LRRC4C: variants seen among roughly 807,000 people sequenced by gnomAD.
LRRC4C encodes leucine-rich repeat-containing protein 4C.
Under a neutral mutation model 33.6 loss-of-function variants are expected in LRRC4C, and 5 were observed. The ratio of observed to expected loss-of-function variants is 0.15; its 90% CI spans 0.08 to 0.31. The LOEUF is 0.31. LRRC4C is among the 10% of genes least tolerant of loss of function. LRRC4C has a pLI of 1.00. For synonymous variants in LRRC4C, 329 were observed against 302.0 expected, an observed-to-expected ratio of 1.09 and a Z score of -0.93; for missense variants, 560 against 796.7, an observed-to-expected ratio of 0.70 and a Z score of 3.58.
chr11:40,678,869 G>T (rs1455281579), intron 2 of LRRC4C, among the ~76,000 whole-genome samples: 1 of 152,086 alleles, frequency 6.6e-6, no homozygotes. Flanking sequence ...CTGGGTAGGG[G>T]GGTGCTACAA....
intron 1 of LRRC4C, among the ~76,000 whole-genome samples, chr11:41,223,945 C>T (rs1947414779): frequency 6.6e-6 from 1 of 152,098 alleles, no homozygotes; most frequent in Non-Finnish European, 1.5e-5. Flanking sequence ...TTCTGGAGGC[C>T]AGTGCTTGAT....
chr11:41,147,813 G>T (rs568291688), intron 1 of LRRC4C, among the ~76,000 whole-genome samples: 4 of 152,140 alleles, frequency 2.6e-5, no homozygotes, highest in Admixed American at 2.6e-4. Context: ...GGTCAGGAGT[G>T]GTGGCTCGGC....
At chr11:40,487,553 A>T in intron 3 of LRRC4C, among the ~76,000 whole-genome samples, 1 of 152,046 alleles carries the variant, frequency 6.6e-6, no homozygotes, top group East Asian at 1.9e-4. Flanking sequence ...GAGTAGAGAG[A>T]AAAAAATTCC....
At chr11:41,411,197 G>A (rs1954473183) in intron 1 of LRRC4C, among the ~76,000 whole-genome samples, 1 of 111,092 alleles carries the variant, frequency 9.0e-6, no homozygotes, top group Non-Finnish European at 1.8e-5. Context: ...CGCCCAGGCT[G>A]GAGTGCAGTG....
At chr11:40,849,387 C>A (rs1393657638) in intron 2 of LRRC4C, among the ~76,000 whole-genome samples, 1 of 152,118 alleles carries the variant, frequency 6.6e-6, no homozygotes, top group Non-Finnish European at 1.5e-5. Flanking sequence ...TTTTATTTCC[C>A]CTTCACTTAT....
At position 40,280,522 on chromosome 11, in the gene LRRC4C, T is replaced by C. The variant is rs527264368; in HGVS notation, c.-175-38924A>G. ...CCAGATCTTACTATCCTCTCACTCA[T>C]CTTCCCTTGGCAGGAAAGTAAGCTA... On this transcript the variant is annotated intron_variant, in intron 4 of 6. Transcript: ENST00000528697. 7.2e-5 allele frequency among the ~76,000 whole-genome samples: 11 copies of C among 152,208 alleles called. No individual in the cohort carries two copies. In the South Asian group the frequency reaches 1.9e-3, roughly 26 times the overall value.
chr11:40,876,837 G>A (rs7116759), intron 2 of LRRC4C, among the ~76,000 whole-genome samples: 144,130 of 149,878 alleles, frequency 0.96, 69,566 homozygotes, highest in East Asian at 1. Context: ...TAGGAGGTGG[G>A]GGTTGTAGTG....
intron 3 of LRRC4C, among the ~76,000 whole-genome samples, chr11:40,458,128 G>A (rs1952220440): frequency 6.6e-6 from 1 of 152,058 alleles, no homozygotes; most frequent in African/African-American, 2.4e-5. Flanking sequence ...CACTGGAATG[G>A]ACAAGATAAA....
intron 1 of LRRC4C, among the ~76,000 whole-genome samples, chr11:41,220,449 G>A (rs114294329): frequency 4.9e-4 from 73 of 149,650 alleles, no homozygotes; most frequent in African/African-American, 1.6e-3. Flanking sequence ...TGGCGGGGGG[G>A]TGTTATCCAA....
At chr11:40,495,252 G>C (rs1954369794) in intron 3 of LRRC4C, among the ~76,000 whole-genome samples, 1 of 152,074 alleles carries the variant, frequency 6.6e-6, no homozygotes, top group Non-Finnish European at 1.5e-5. Flanking sequence ...AAGCGAGGAG[G>C]TTCAAAATGG....
intron 3 of LRRC4C, among the ~76,000 whole-genome samples, chr11:40,398,939 A>G (rs1319277949): frequency 6.6e-6 from 1 of 152,136 alleles, no homozygotes; most frequent in African/African-American, 2.4e-5. Context: ...TTGGTGCGTT[A>G]AAGCTGCTTC....
intron 4 of LRRC4C, among the ~76,000 whole-genome samples, chr11:40,243,046 G>C (rs947485243): frequency 2.0e-5 from 3 of 152,150 alleles, no homozygotes; most frequent in Non-Finnish European, 2.9e-5. Flanking sequence ...ATAACTGTAT[G>C]TGCCTTTGCA....
intron 1 of LRRC4C, among the ~76,000 whole-genome samples, chr11:41,002,572 A>G (rs1003063882): frequency 1.1e-4 from 16 of 152,318 alleles, no homozygotes; most frequent in Middle Eastern, 3.4e-3. Flanking sequence ...AGGTAGTGAG[A>G]AAGAGCTAAA....
At chr11:40,632,551 G>A (rs1052608896) in intron 3 of LRRC4C, among the ~76,000 whole-genome samples, 6 of 152,194 alleles carry the variant, frequency 3.9e-5, no homozygotes, top group Non-Finnish European at 8.8e-5. Context: ...ATGAAACAAG[G>A]AAGTGGGGAC....
intron 3 of LRRC4C, among the ~76,000 whole-genome samples, chr11:40,533,312 A>C (rs1483815401): frequency 6.6e-6 from 1 of 152,188 alleles, no homozygotes; most frequent in Admixed American, 6.5e-5. Context: ...CCCAGTAGGG[A>C]TAACTTATGT....
At chr11:41,369,877 C>A (rs1180167271) in intron 1 of LRRC4C, among the ~76,000 whole-genome samples, 4 of 152,110 alleles carry the variant, frequency 2.6e-5, no homozygotes, top group Non-Finnish European at 5.9e-5. Context: ...ATGACAAGGA[C>A]TAGGTACAAG....
Position 40,826,990 on chromosome 11 carries a change from T to C in LRRC4C, c.-407+106645A>G, listed in dbSNP as rs527558710. ...ACTACAAATTCCGTTCTCCTAAGAC[T>C]TACGTAATATCTTTTGATAACGTAC... On this transcript the variant is annotated intron_variant, in intron 2 of 6. Coordinates refer to ENST00000528697, the MANE Select transcript of LRRC4C (RefSeq NM_001258419.2). Among the ~76,000 whole-genome samples the C allele has an allele frequency of 5.9e-5, 9 of 152,104 alleles. No homozygotes were observed. In the South Asian group the frequency reaches 1.9e-3, roughly 32 times the overall value.
chr11:40,786,400 A>C (rs892134443), intron 2 of LRRC4C, among the ~76,000 whole-genome samples: 1 of 152,184 alleles, frequency 6.6e-6, no homozygotes, highest in Non-Finnish European at 1.5e-5. Flanking sequence ...AAAATACAAT[A>C]AGTAGTCACA....
At chr11:41,207,481 A>G (rs894818055) in intron 1 of LRRC4C, among the ~76,000 whole-genome samples, 3 of 152,222 alleles carry the variant, frequency 2.0e-5, no homozygotes, top group African/African-American at 7.2e-5. Flanking sequence ...TAAGGAGGCA[A>G]TTAAGGCTAA....
Sources: allele counts gnomAD v4.1 joint callset (sites outside exome capture counted in the v4.1 genomes callset), GRCh38; gene constraint gnomAD v4.1.1; transcripts MANE v1.5; gene names NCBI Gene and HGNC (gene_info 2026-07-23, HGNC 2026-07-21).